CCSER1: variants seen among roughly 807,000 people sequenced by gnomAD.
CCSER1 encodes the protein serine-rich coiled-coil domain-containing protein 1.
Under a neutral mutation model 82.0 loss-of-function variants are expected in CCSER1, and 41 were observed. The ratio of observed to expected loss-of-function variants is 0.50; its 90% CI spans 0.39 to 0.65. The LOEUF is 0.65. Ranked by LOEUF, CCSER1 falls within the 30% of genes least tolerant of loss-of-function variation. The pLI is 0.00. For synonymous variants in CCSER1, 414 were observed against 383.9 expected (o/e 1.08, Z -0.92); for missense variants, 1,119 against 1,064.2 (o/e 1.05, Z -0.72).
At chr4:90,257,003 G>A (rs370956662) in intron 1 of CCSER1, among the ~76,000 whole-genome samples, 19 of 151,678 alleles carry the variant, frequency 1.3e-4, no homozygotes, top group East Asian at 1.2e-3. Flanking sequence ...ATGACATTCC[G>A]TACTATCTGT....
chr4:90,211,815 T>C (rs1481941161), intron 1 of CCSER1, among the ~76,000 whole-genome samples: 3 of 152,236 alleles, frequency 2.0e-5, no homozygotes, highest in Non-Finnish European at 4.4e-5. Flanking sequence ...TTGTGTTTTG[T>C]TTTTTGCTTT....
intron 1 of CCSER1, among the ~76,000 whole-genome samples, chr4:90,281,901 A>G (rs1728930591): frequency 6.6e-6 from 1 of 152,090 alleles, no homozygotes; most frequent in African/African-American, 2.4e-5. Flanking sequence ...TTGAGTCACC[A>G]TGGGAATACC....
At chr4:90,836,485 A>G (rs1447534193) in intron 8 of CCSER1, among the ~76,000 whole-genome samples, 1 of 152,186 alleles carries the variant, frequency 6.6e-6, no homozygotes, top group Non-Finnish European at 1.5e-5. Context: ...TACATAATTA[A>G]GACATATGGA....
intron 10 of CCSER1, among the ~76,000 whole-genome samples, chr4:91,429,756 T>C (rs1165716779): frequency 2.0e-5 from 3 of 151,942 alleles, no homozygotes; most frequent in African/African-American, 7.2e-5. Flanking sequence ...AAGAATTTTA[T>C]TATATTTTCA....
chr4:90,249,971 G>A (rs1722098830), intron 1 of CCSER1, among the ~76,000 whole-genome samples: 1 of 152,050 alleles, frequency 6.6e-6, no homozygotes, highest in South Asian at 2.1e-4. Flanking sequence ...TTGTGGGTTT[G>A]ATTTGCATTT....
intron 10 of CCSER1, among the ~76,000 whole-genome samples, chr4:91,315,426 C>T (rs537696989): frequency 1.1e-4 from 16 of 152,042 alleles, no homozygotes; most frequent in Admixed American, 6.6e-4. Flanking sequence ...CCAAACCCAG[C>T]GCCTGGCCAT....
intron 1 of CCSER1, among the ~76,000 whole-genome samples, chr4:90,214,983 G>T (rs188942115): frequency 6.6e-6 from 1 of 152,050 alleles, no homozygotes; most frequent in African/African-American, 2.4e-5. Context: ...TGACAGATTT[G>T]TTATTAAGGG....
intron 4 of CCSER1, among the ~76,000 whole-genome samples, chr4:90,430,926 G>A (rs865977015): frequency 2.0e-5 from 3 of 151,722 alleles, no homozygotes; most frequent in African/African-American, 7.3e-5. Flanking sequence ...GGTGATGTTT[G>A]GTGTAACATT....
intron 10 of CCSER1, among the ~76,000 whole-genome samples, chr4:91,593,819 G>A (rs1262568409): frequency 1.3e-5 from 2 of 151,842 alleles, no homozygotes; most frequent in Non-Finnish European, 2.9e-5. Context: ...AAGTGAATGT[G>A]GTTTATTTGT....
At chr4:90,558,210 T>C (rs537999555) in intron 5 of CCSER1, among the ~76,000 whole-genome samples, 1 of 152,288 alleles carries the variant, frequency 6.6e-6, no homozygotes, top group African/African-American at 2.4e-5. Flanking sequence ...TGTGTTTCTT[T>C]CTCTAGCATA....
Position 90,791,819 on chromosome 4 carries a change from C to CAAA in CCSER1, c.2011-23931_2011-23929dup, listed in dbSNP as rs35331482. On this transcript the variant is annotated intron_variant, in intron 7 of 10. Transcript: ENST00000509176. ...CCTGGGCTACACAGCGAGACTGTCT[C>CAAA]AAAAAAAAAAAAAACACACACACAC... Among the ~76,000 whole-genome samples the CAAA allele has an allele frequency of 1.7e-3, 209 of 126,002 alleles. 1 individual carries two copies. Among genetic ancestry groups the CAAA allele is most frequent in the Non-Finnish European group, 2.4e-3 (141 of 58,198 alleles). The allele number at this position is 126,002 out of a possible 152,430, so 82.7% of individuals were successfully genotyped here.
At chr4:91,584,185 T>C (rs73836239) in intron 10 of CCSER1, among the ~76,000 whole-genome samples, 14,981 of 151,506 alleles carry the variant, frequency 0.099, 764 homozygotes, top group Middle Eastern at 0.16. Context: ...TGCTTTCACC[T>C]ACGTAGTTGC....
chr4:90,254,894 T>C (rs1277871400), intron 1 of CCSER1, among the ~76,000 whole-genome samples: 1 of 152,124 alleles, frequency 6.6e-6, no homozygotes, highest in Non-Finnish European at 1.5e-5. Context: ...CCTCCTGTAG[T>C]GTTCTTAGCA....
chr4:90,691,614 GTATATATGTGTATGTA>G (rs1560951769), intron 6 of CCSER1, among the ~76,000 whole-genome samples: 3 of 141,160 alleles, frequency 2.1e-5, no homozygotes, highest in African/African-American at 7.6e-5. Flanking sequence ...TATATCACAT[GTATATATGTGTATGTA>G]TATATATCAC....
chr4:91,256,737 A>C lies in CCSER1; in HGVS notation c.2217+170743A>C, dbSNP rs527957671. Among the ~76,000 whole-genome samples, 11 of 152,338 alleles carry C rather than the reference A, an allele frequency of 7.2e-5. No homozygotes were observed. The South Asian group carries it at 2.1e-3, about 29-fold the overall frequency. On this transcript the variant is annotated intron_variant, in intron 10 of 10. Transcript: ENST00000509176. ...GGTGGCACAAAAAAAGCCACATTAT[A>C]ATAAAATTGGCATAGCAAGCATGTT...
In CCSER1 at chr4:90,438,869, T is replaced by C. The variant is rs1361501323; in HGVS notation, c.1604-29365T>C. On this transcript the variant is annotated intron_variant, in intron 4 of 10. Coordinates refer to ENST00000509176, the MANE Select transcript of CCSER1 (RefSeq NM_001145065.2). ...CTGAATCATTAGAAAAATTACATTC[T>C]TATTTGGCACAGTGCAGATAGTGAA... Among the ~76,000 whole-genome samples the C allele has an allele frequency of 2.6e-5, 4 of 152,218 alleles. No homozygotes were observed. The East Asian group carries it at 7.7e-4, about 29-fold the overall frequency.
At position 91,599,995 on chromosome 4, in the gene CCSER1, G is replaced by T. The variant is rs191021457; in HGVS notation, c.*938G>T. On this transcript the variant is annotated 3_prime_UTR_variant, in exon 11 of 11. Coordinates refer to ENST00000509176, the MANE Select transcript of CCSER1 (RefSeq NM_001145065.2). ...TCTTTTTTATGTAAATCCAATTTTG[G>T]TTTATATACATCAACCCATATCTAT... is the stretch of plus-strand genomic sequence containing the variant. 45 of 151,456 alleles carry T rather than the reference G, an allele frequency of 3.0e-4. No individual in the cohort carries two copies. In the East Asian group the frequency reaches 8.3e-3, roughly 28 times the overall value. 9.4% of individuals were successfully genotyped at this position (151,456 alleles called of 1,614,324 possible). A position where few individuals can be genotyped will look rare whatever the true frequency, so the allele number is the denominator to read the frequency against.
chr4:90,960,938 A>T (rs1257509650), intron 9 of CCSER1, among the ~76,000 whole-genome samples: 5 of 152,186 alleles, frequency 3.3e-5, no homozygotes, highest in Non-Finnish European at 7.4e-5. Context: ...TAAAGGATAG[A>T]AAAGTGAAGT....
At chr4:91,408,563 T>A (rs562037837) in intron 10 of CCSER1, among the ~76,000 whole-genome samples, 2 of 152,326 alleles carry the variant, frequency 1.3e-5, no homozygotes, top group South Asian at 4.1e-4. Flanking sequence ...CTTTAAAGTT[T>A]TACATCTCTT....
Sources: gnomAD v4.1 joint callset for allele counts (sites outside exome capture counted in the v4.1 genomes callset) on GRCh38, gnomAD v4.1.1 for gene constraint, MANE v1.5 for transcripts, NCBI Gene and HGNC (gene_info 2026-07-23, HGNC 2026-07-21) for gene names.